The following PRMT3 variants were observed in gnomAD, a reference collection of about 807,000 sequenced individuals.
PRMT3 encodes the protein protein arginine N-methyltransferase 3.
A neutral mutation model predicts 71.9 loss-of-function variants in PRMT3; 62 were observed. The ratio of observed to expected loss-of-function variants is 0.86; its 90% CI spans 0.70 to 1.07. The LOEUF (loss-of-function observed/expected upper bound fraction) is 1.07, where lower values mean the gene tolerates loss of function less well. Among genes scored for constraint, PRMT3 ranks in the 50% least tolerant of loss-of-function variants. The pLI, the probability that PRMT3 is intolerant of heterozygous loss-of-function variation, is 0.00. For synonymous variants in PRMT3, 213 were observed against 220.4 expected (o/e 0.97, Z 0.30); for missense variants, 663 against 643.0 (o/e 1.03, Z -0.34).
chr11:20,504,765 G>C (rs1480267021), intron 15 of PRMT3, among the ~76,000 whole-genome samples: 1 of 134,684 alleles, frequency 7.4e-6, no homozygotes, highest in African/African-American at 3.0e-5. Context: ...ACTGAGACTC[G>C]GTCTGTCGCC....
chr11:20,466,356 T>C (rs1850512067), intron 13 of PRMT3, among the ~76,000 whole-genome samples: 2 of 152,120 alleles, frequency 1.3e-5, no homozygotes, highest in South Asian at 4.1e-4. Flanking sequence ...CACTGTAGGT[T>C]CTATTTACCT....
chr11:20,473,172 A>G (rs114632795), intron 13 of PRMT3, among the ~76,000 whole-genome samples: 5,612 of 152,004 alleles, frequency 0.037, 246 homozygotes, highest in African/African-American at 0.11. Flanking sequence ...AATTTTTTCA[A>G]AAAAACAGCT....
At chr11:20,398,838 T>A (rs1162844222) in intron 7 of PRMT3, among the ~76,000 whole-genome samples, 3 of 152,216 alleles carry the variant, frequency 2.0e-5, no homozygotes, top group Non-Finnish European at 4.4e-5. Flanking sequence ...TCTCCATTTG[T>A]GAAGTATTCT....
intron 11 of PRMT3, among the ~76,000 whole-genome samples, chr11:20,459,634 T>A (rs1278975137): frequency 6.6e-6 from 1 of 152,194 alleles, no homozygotes; most frequent in East Asian, 1.9e-4. Context: ...CTTATTATGT[T>A]CCTCTTTAAT....
chr11:20,449,722 AC>A (rs1274303032), intron 10 of PRMT3, among the ~76,000 whole-genome samples: 2 of 152,162 alleles, frequency 1.3e-5, no homozygotes, highest in Admixed American at 6.5e-5. Context: ...TTTTAAAATA[AC>A]ATTTTAATTT....
At chr11:20,480,964 C>G (rs941427633) in intron 13 of PRMT3, among the ~76,000 whole-genome samples, 10 of 152,136 alleles carry the variant, frequency 6.6e-5, no homozygotes, top group Non-Finnish European at 7.4e-5. Context: ...AATTGAAACA[C>G]AGTTCTGTGG....
chr11:20,446,825 A>G (rs1244099163), intron 10 of PRMT3, among the ~76,000 whole-genome samples: 9 of 152,186 alleles, frequency 5.9e-5, no homozygotes, highest in Non-Finnish European at 1.0e-4. Context: ...CAAAGGGTAA[A>G]GGTATCCCTG....
At chr11:20,443,016 G>A (rs571347147) in intron 10 of PRMT3, among the ~76,000 whole-genome samples, 30 of 152,262 alleles carry the variant, frequency 2.0e-4, no homozygotes, top group African/African-American at 5.3e-4. Flanking sequence ...AAGGGAAGGA[G>A]AGGGCAACGT....
At chr11:20,466,576 C>G (rs1850517833) in intron 13 of PRMT3, among the ~76,000 whole-genome samples, 1 of 152,120 alleles carries the variant, frequency 6.6e-6, no homozygotes, top group Non-Finnish European at 1.5e-5. Context: ...GTTTTAGCTA[C>G]AGTTTTATAC....
At chr11:20,508,204 G>T in intron 15 of PRMT3, 100 bp from the exon 16 acceptor site, 1 of 564,596 alleles carries the variant, frequency 1.8e-6, no homozygotes, top group Non-Finnish European at 3.1e-6. Context: ...TAAAAAGTGG[G>T]AAAACATCAC....
chr11:20,429,349 G>A (rs557093609), intron 10 of PRMT3, among the ~76,000 whole-genome samples: 17 of 152,338 alleles, frequency 1.1e-4, no homozygotes, highest in Admixed American at 3.3e-4. Context: ...CGGAGCTCAG[G>A]TGGTAATGCT....
At chr11:20,402,842 A>T in intron 7 of PRMT3, 77 bp from the exon 8 acceptor site, 1 of 1,137,576 alleles carries the variant, frequency 8.8e-7, no homozygotes, top group South Asian at 1.3e-5. Context: ...GTGTGTTAAT[A>T]TGGCAAATAT....
chr11:20,437,017 A>G (rs1369431336), intron 10 of PRMT3, among the ~76,000 whole-genome samples: 1 of 152,152 alleles, frequency 6.6e-6, no homozygotes, highest in Non-Finnish European at 1.5e-5. Flanking sequence ...TGTGTCCAGG[A>G]ATGTATCCAT....
chr11:20,449,638 G>C, intron 10 of PRMT3, among the ~76,000 whole-genome samples: 1 of 152,044 alleles, frequency 6.6e-6, no homozygotes, highest in East Asian at 1.9e-4. Context: ...AATTTTTATA[G>C]AGGCATCACA....
At chr11:20,438,097 G>T (rs1224263801) in intron 10 of PRMT3, among the ~76,000 whole-genome samples, 3 of 152,164 alleles carry the variant, frequency 2.0e-5, no homozygotes, top group Non-Finnish European at 4.4e-5. Flanking sequence ...GTCTTTGGGT[G>T]CAGATTCACC....
rs865939549 is a variant in PRMT3, at chr11:20,449,809, C to A, written c.994-2321C>A. Among the ~76,000 whole-genome samples the A allele has an allele frequency of 2.3e-4, 35 of 152,070 alleles. 1 individual carries two copies. Among genetic ancestry groups the A allele is most frequent in the Middle Eastern group, 6.8e-3 (2 of 294 alleles). On this transcript the variant is annotated intron_variant, in intron 10 of 15. Coordinates refer to ENST00000331079, the MANE Select transcript of PRMT3 (RefSeq NM_005788.4). ...ATAGTATTAATAACTTTTATTTATT[C>A]ATTTTAAAGTTACATATTGAGTTCC... is the stretch of plus-strand genomic sequence containing the variant.
rs141664309 is a variant in PRMT3, at chr11:20,503,962, C to T, written c.1487-4342C>T. Among the ~76,000 whole-genome samples, 52 of 152,192 alleles carry T rather than the reference C, an allele frequency of 3.4e-4. 1 individual carries two copies. The East Asian group carries it at 9.7e-3, about 28-fold the overall frequency. ...CCTAGGGCTAACACCATTGTGAATT[C>T]AGTTGTTCCACATCATTTTTAACAC... is the stretch of plus-strand genomic sequence containing the variant. On this transcript the variant is annotated intron_variant, in intron 15 of 15. Transcript: ENST00000331079.
At chr11:20,449,784 A>T (rs1850108757) in intron 10 of PRMT3, among the ~76,000 whole-genome samples, 1 of 152,106 alleles carries the variant, frequency 6.6e-6, no homozygotes, top group African/African-American at 2.4e-5. Context: ...AATATTACAC[A>T]TAGTATTAAT....
chr11:20,393,790 G>A (rs1384850208), intron 5 of PRMT3: 1 of 152,010 alleles, frequency 6.6e-6, no homozygotes, highest in Non-Finnish European at 1.5e-5. Flanking sequence ...TTTTATTGCA[G>A]CAGAAAGCAA....
Sources: allele counts gnomAD v4.1 joint callset (sites outside exome capture counted in the v4.1 genomes callset), GRCh38; gene constraint gnomAD v4.1.1; transcripts MANE v1.5; gene names NCBI Gene and HGNC (gene_info 2026-07-23, HGNC 2026-07-21).